Variants in MIPOL1 observed in about 807,000 individuals in gnomAD.
MIPOL1 encodes the protein mirror-image polydactyly gene 1 protein.
MIPOL1 carries 57 observed loss-of-function variants against 60.9 expected under a neutral mutation model. The ratio of observed to expected loss-of-function variants is 0.94; its 90% CI spans 0.76 to 1.17. The LOEUF (loss-of-function observed/expected upper bound fraction) is 1.17, where lower values mean the gene tolerates loss of function less well. MIPOL1 is among the 50% of genes most tolerant of loss of function. MIPOL1 has a pLI of 0.00. For synonymous variants in MIPOL1, 179 were observed against 168.8 expected (o/e 1.06, Z -0.47); for missense variants, 551 against 511.6 (o/e 1.08, Z -0.74).
At chr14:37,402,959 G>A (rs2093513895) in intron 10 of MIPOL1, among the ~76,000 whole-genome samples, 1 of 152,102 alleles carries the variant, frequency 6.6e-6, no homozygotes, top group Non-Finnish European at 1.5e-5. Context: ...GGCTTGTTAG[G>A]CGGTAGCCAC....
chr14:37,482,317 GA>G (rs567950078), intron 11 of MIPOL1, among the ~76,000 whole-genome samples: 2 of 152,110 alleles, frequency 1.3e-5, no homozygotes, highest in African/African-American at 2.4e-5. Flanking sequence ...GTAGATATAT[GA>G]AAAAATGTTT....
chr14:37,211,436 A>G (rs749402665), intron 1 of MIPOL1, among the ~76,000 whole-genome samples: 1 of 152,130 alleles, frequency 6.6e-6, no homozygotes, highest in South Asian at 2.1e-4. Flanking sequence ...ATTGTGAAAC[A>G]TTGAACTCAG....
chr14:37,285,543 T>G (rs961164650), intron 7 of MIPOL1, 96 bp downstream of exon 7: 5 of 1,256,712 alleles, frequency 4.0e-6, no homozygotes, highest in Middle Eastern at 2.0e-4. Context: ...GACTTATGCT[T>G]ATGTGTTACA....
chr14:37,498,590 G>A (rs2095168351), intron 11 of MIPOL1, among the ~76,000 whole-genome samples: 1 of 152,046 alleles, frequency 6.6e-6, no homozygotes, highest in African/African-American at 2.4e-5. Flanking sequence ...AGTAGGGATA[G>A]TTAGATTAAT....
chr14:37,369,024 T>C (rs2092563314), intron 9 of MIPOL1, among the ~76,000 whole-genome samples: 1 of 152,008 alleles, frequency 6.6e-6, no homozygotes, highest in African/African-American at 2.4e-5. Flanking sequence ...GGCTATTGCT[T>C]TTTTCCCTAT....
At chr14:37,386,424 A>G (rs1020307980) in intron 10 of MIPOL1, among the ~76,000 whole-genome samples, 1 of 152,010 alleles carries the variant, frequency 6.6e-6, no homozygotes, top group African/African-American at 2.4e-5. Context: ...TGGTTGATGC[A>G]AAAGAGGAAT....
intron 9 of MIPOL1, among the ~76,000 whole-genome samples, chr14:37,343,049 C>G (rs2090690432): frequency 6.7e-6 from 1 of 149,756 alleles, no homozygotes; most frequent in African/African-American, 2.4e-5. Flanking sequence ...GCATATATTG[C>G]CTGGTGGGTG....
chr14:37,431,876 C>T (rs914117332), intron 11 of MIPOL1, among the ~76,000 whole-genome samples: 29 of 152,090 alleles, frequency 1.9e-4, no homozygotes, highest in African/African-American at 6.3e-4. Context: ...TGAGCCACTA[C>T]GCCCGGCCCT....
At chr14:37,355,255 AG>A (rs1352064268) in intron 9 of MIPOL1, among the ~76,000 whole-genome samples, 2 of 137,090 alleles carry the variant, frequency 1.5e-5, no homozygotes, top group Admixed American at 7.7e-5. Flanking sequence ...TCTGGCTTGT[AG>A]GGTTTCTGCT....
At chr14:37,266,497 A>G (rs986160451) in intron 3 of MIPOL1, among the ~76,000 whole-genome samples, 2 of 152,220 alleles carry the variant, frequency 1.3e-5, no homozygotes, top group Admixed American at 6.5e-5. Context: ...TAACACTAAC[A>G]TAACATTGTA....
chr14:37,490,399 G>A (rs372624634), intron 11 of MIPOL1, among the ~76,000 whole-genome samples: 5 of 152,184 alleles, frequency 3.3e-5, no homozygotes, highest in African/African-American at 1.2e-4. Context: ...CCGTGGGGGT[G>A]TGACCTGCCA....
intron 7 of MIPOL1, among the ~76,000 whole-genome samples, chr14:37,307,619 A>G (rs750288818): frequency 6.6e-6 from 1 of 151,998 alleles, no homozygotes; most frequent in Non-Finnish European, 1.5e-5. Context: ...ATTATTTGTC[A>G]TTGCTTTTAA....
At position 37,308,450 on chromosome 14, in the gene MIPOL1, A is replaced by G. The variant is rs34151241; in HGVS notation, c.759A>G (p.Glu253=). ...TGGATAGAATCTACAAGACCAAGGAATGTAAAATGAGAATAACTGCAGAAG... is the reference window on the plus strand; with the variant it reads ...TGGATAGAATCTACAAGACCAAGGAGTGTAAAATGAGAATAACTGCAGAAG... ...IIVDRIYKTK[E]CKMRITAEEM... The change falls in exon 9 of 13, where the codon GAA becomes GAG. Residue 253 remains glutamate (E), a synonymous_variant. Coordinates refer to ENST00000684589, the MANE Select transcript of MIPOL1 (RefSeq NM_001388067.1). 2,363 of 1,604,698 alleles carry G rather than the reference A, an allele frequency of 1.5e-3. 21 individuals carry two copies. In the Middle Eastern group the frequency reaches 0.024, roughly 16 times the overall value.
At chr14:37,401,072 G>A (rs560675471) in intron 10 of MIPOL1, 16 of 152,140 alleles carry the variant, frequency 1.1e-4, no homozygotes, top group Middle Eastern at 3.4e-3. Context: ...AATATAATAG[G>A]TGATTTTAAT....
chr14:37,401,080 A>G (rs535515761), intron 10 of MIPOL1: 6 of 152,310 alleles, frequency 3.9e-5, no homozygotes, highest in Admixed American at 3.9e-4. Flanking sequence ...AGGTGATTTT[A>G]ATATCAGTGA....
intron 11 of MIPOL1, among the ~76,000 whole-genome samples, chr14:37,448,455 G>GT (rs1456724194): frequency 6.6e-6 from 1 of 152,190 alleles, no homozygotes; most frequent in East Asian, 1.9e-4. Flanking sequence ...CATTGATGTT[G>GT]TTTTAAATAG....
rs189538885 is a variant in MIPOL1 at position 37,276,509 on chromosome 14, A to G, written c.493+5984A>G. 2.0e-5 allele frequency: 3 copies of G among 151,278 alleles called. No homozygotes were observed. In the East Asian group the frequency reaches 5.8e-4, roughly 29 times the overall value. 9.4% of individuals were successfully genotyped at this position (151,278 alleles called of 1,614,324 possible). ...GATTAAAATGGGAAAAAATTATATTATAGAAAATGTTTACATTATTCTCTT... is the reference window on the plus strand; with the variant it reads ...GATTAAAATGGGAAAAAATTATATTGTAGAAAATGTTTACATTATTCTCTT... On this transcript the variant is annotated intron_variant, in intron 6 of 12. Coordinates refer to ENST00000684589, the MANE Select transcript of MIPOL1 (RefSeq NM_001388067.1).
intron 9 of MIPOL1, among the ~76,000 whole-genome samples, chr14:37,337,350 ATATATATTT>A (rs1460966987): frequency 6.2e-4 from 23 of 37,384 alleles, no homozygotes; most frequent in African/African-American, 2.9e-3. Flanking sequence ...ATATATATAT[ATATATATTT>A]TTTTTTTTTT....
At chr14:37,369,290 A>G (rs2092571298) in intron 9 of MIPOL1, among the ~76,000 whole-genome samples, 1 of 152,072 alleles carries the variant, frequency 6.6e-6, no homozygotes, top group South Asian at 2.1e-4. Context: ...GATTTATATA[A>G]CATTCAGATT....
Sources: allele counts gnomAD v4.1 joint callset (sites outside exome capture counted in the v4.1 genomes callset), GRCh38; gene constraint gnomAD v4.1.1; transcripts MANE v1.5; gene names NCBI Gene and HGNC (gene_info 2026-07-23, HGNC 2026-07-21).